The following PHF12 variants were observed in gnomAD, a reference collection of about 807,000 sequenced individuals.
PHF12 encodes PHD factor 1.
A neutral mutation model predicts 99.8 loss-of-function variants in PHF12; 6 were observed. The observed-to-expected ratio is 0.06, with a 90% CI of 0.03 to 0.12. The LOEUF is 0.12. Among genes scored for constraint, PHF12 ranks in the 10% least tolerant of loss-of-function variants. The pLI is 1.00. For synonymous variants in PHF12, 480 were observed against 514.9 expected, an observed-to-expected ratio of 0.93 and a Z score of 0.92; for missense variants, 954 against 1,300.1, an observed-to-expected ratio of 0.73 and a Z score of 4.09.
intron 9 of PHF12, 89 bp from the exon 10 acceptor site, chr17:28,911,326 G>A (rs777187711): frequency 6.5e-6 from 10 of 1,539,052 alleles, no homozygotes; most frequent in African/African-American, 2.7e-5. Flanking sequence ...TCTGGATTTC[G>A]GACCCAAGGT....
At chr17:28,927,097 C>G (rs373921461) in intron 2 of PHF12, 34 bp from the exon 3 acceptor site, 3 of 1,585,532 alleles carry the variant, frequency 1.9e-6, no homozygotes, top group Non-Finnish European at 2.6e-6. Context: ...GACTAAATAA[C>G]TAGCCCTTTG....
At position 28,912,553 on chromosome 17, in the gene PHF12, G is replaced by C. The variant is rs760165491; in HGVS notation, c.2018C>G (p.Pro673Arg). The C allele has an allele frequency of 1.6e-5, 26 of 1,613,754 alleles. No individual in the cohort carries two copies. The highest frequency in any genetic ancestry group is 6.7e-5 in the Admixed American group (4 of 60,002). ...PPNATRVLTP[P>R]QAAGDGILAT... is the part of the protein sequence containing the mutation. ...CAAGATACCATCTCCTGCTGCTTGC[G>C]GGGGAGTGAGCACCCGGGTGGCGTT... is the stretch of plus-strand genomic sequence containing the variant. The change falls in exon 9 of 15, where the codon CCG (proline) becomes CGG (arginine). Residue 673 changes from proline (P) to arginine (R), a missense_variant. By Grantham distance (103) the Pro-to-Arg change is moderately radical. Around this residue, in one of 8 missense-constraint regions of PHF12, gnomAD observed 392 missense variants for 423.1 expected, o/e 0.93. Transcript: ENST00000332830.
intron 9 of PHF12, among the ~76,000 whole-genome samples, chr17:28,911,952 G>A (rs2039968632): frequency 6.6e-6 from 1 of 152,244 alleles, no homozygotes; most frequent in Non-Finnish European, 1.5e-5. Context: ...ATCCCTGTGG[G>A]CATCCCACTC....
intron 2 of PHF12, among the ~76,000 whole-genome samples, chr17:28,930,342 C>G (rs1459523516): frequency 6.6e-6 from 1 of 152,244 alleles, no homozygotes; most frequent in Non-Finnish European, 1.5e-5. Context: ...GAATCCCCTT[C>G]TCCATGCCTC....
At chr17:28,910,609 T>C in intron 10 of PHF12, 1 of 567,696 alleles carries the variant, frequency 1.8e-6, no homozygotes, top group Non-Finnish European at 3.1e-6. Context: ...GTGGACTGAT[T>C]TTAATTAAAG....
In PHF12 at chr17:28,950,855, C is replaced by G. The variant is rs768968340; in HGVS notation, c.66+40G>C. 2 of 1,609,354 alleles carry G rather than the reference C, an allele frequency of 1.2e-6. No individual in the cohort carries two copies. The highest frequency in any genetic ancestry group is 1.7e-6 in the Non-Finnish European group (2 of 1,177,114). Reference sequence around the variant, plus strand: ...GTGGGGCGGAGGGCGGAGGTTCCCTCCCGGCGCTGGAGGAAGGAGATGAGG... The same window carrying G: ...GTGGGGCGGAGGGCGGAGGTTCCCTGCCGGCGCTGGAGGAAGGAGATGAGG... On this transcript the variant is annotated intron_variant, in intron 1 of 14. Transcript: ENST00000332830. The surrounding 1 kb of genome is among the most constrained non-coding windows in gnomAD (Gnocchi z 5.7).
Position 28,912,985 on chromosome 17 carries a change from G to A in PHF12, c.1586C>T (p.Ser529Phe), listed in dbSNP as rs771016383. 1.2e-6 allele frequency: 2 copies of A among 1,614,218 alleles called. No individual in the cohort carries two copies. Among genetic ancestry groups the A allele is most frequent in the East Asian group, 2.2e-5 (1 of 44,882 alleles). Reference sequence around the variant, plus strand: ...GGCAGTCCCACAAGGGGTTTTCTTGGATTTTTCCGCACAAGAACTGCAGCC... The same window carrying A: ...GGCAGTCCCACAAGGGGTTTTCTTGAATTTTTCCGCACAAGAACTGCAGCC... Reference protein sequence around the residue: ...DIGCSSCAEKSKKTPCGTANG... With the variant: ...DIGCSSCAEKFKKTPCGTANG... The change falls in exon 9 of 15, where the codon TCC (serine) becomes TTC (phenylalanine). Residue 529 changes from serine (S) to phenylalanine (F), a missense_variant. Around this residue, in one of 8 missense-constraint regions of PHF12, gnomAD observed 392 missense variants for 423.1 expected, o/e 0.93. Coordinates refer to ENST00000332830, the MANE Select transcript of PHF12 (RefSeq NM_001033561.2).
chr17:28,941,144 T>A (rs1036935555), intron 2 of PHF12, among the ~76,000 whole-genome samples: 4 of 150,914 alleles, frequency 2.7e-5, no homozygotes, highest in African/African-American at 9.8e-5. Context: ...AGGGCTACCA[T>A]AAACCCAAAC....
At chr17:28,942,224 G>A (rs1447711021) in intron 2 of PHF12, among the ~76,000 whole-genome samples, 2 of 152,176 alleles carry the variant, frequency 1.3e-5, no homozygotes, top group East Asian at 3.8e-4. Flanking sequence ...ATATTAAAGT[G>A]TGCTTAAATC....
intron 7 of PHF12, among the ~76,000 whole-genome samples, chr17:28,914,466 A>G (rs1161446738): frequency 6.6e-6 from 1 of 151,890 alleles, no homozygotes; most frequent in Non-Finnish European, 1.5e-5. Context: ...AGGTCAGGAG[A>G]TCGAGACCAT....
chr17:28,912,749 T>C lies in PHF12; in HGVS notation c.1822A>G (p.Thr608Ala). Residue 608 changes from threonine to alanine, a missense_variant, in exon 9 of 15, where the codon ACT (threonine) becomes GCT (alanine). This residue lies in a region of PHF12 where 392 missense variants were observed against 423.1 expected (regional missense o/e 0.93). Transcript: ENST00000332830. ...VGIIVKTENA[T>A]GPSSCPQRSL... Reference sequence around the variant, plus strand: ...CTCTGGGGGCAAGAGCTGGGGCCAGTGGCATTCTCTGTCTTCACAATGATG... The same window carrying C: ...CTCTGGGGGCAAGAGCTGGGGCCAGCGGCATTCTCTGTCTTCACAATGATG... The C allele has an allele frequency of 6.2e-7, 1 of 1,614,182 alleles. No homozygotes were observed. The highest frequency in any genetic ancestry group is 1.1e-5 in the South Asian group (1 of 91,088).
At chr17:28,942,345 C>A (rs916391821) in intron 2 of PHF12, among the ~76,000 whole-genome samples, 1 of 151,868 alleles carries the variant, frequency 6.6e-6, no homozygotes, top group South Asian at 2.1e-4. Context: ...CACAGTGAGA[C>A]CCTATCTCTA....
Position 28,946,322 on chromosome 17 carries a change from C to T in PHF12, c.248+3743G>A, listed in dbSNP as rs114895666. Reference sequence around the variant, plus strand: ...TCTTTGGTGAGGTCACGGTACTGAGCACAAGACAATTCATTCCAGAGAATC... The same window carrying T: ...TCTTTGGTGAGGTCACGGTACTGAGTACAAGACAATTCATTCCAGAGAATC... On this transcript the variant is annotated intron_variant, in intron 2 of 14. Transcript: ENST00000332830. Among the ~76,000 whole-genome samples, 804 of 152,292 alleles carry T rather than the reference C, an allele frequency of 5.3e-3. 1 individual carries two copies. Among genetic ancestry groups the T allele is most frequent in the African/African-American group, 0.018 (766 of 41,552 alleles).
In PHF12 at chr17:28,917,387, G is replaced by T; in HGVS notation, c.1032C>A (p.Thr344=). 2 of 1,614,050 alleles carry T rather than the reference G, an allele frequency of 1.2e-6. No individual in the cohort carries two copies. Among genetic ancestry groups the T allele is most frequent in the Non-Finnish European group, 1.7e-6 (2 of 1,179,972 alleles). ...CCACTTTGACGACATGCTGCGAAAC[G>T]GTGTCCTGGAAACGATCAAACACCT... ...RCQVFDRFQD[T]VSQHVVKVDF... Residue 344 remains threonine, a synonymous_variant, in exon 7 of 15, where the codon ACC becomes ACA. Coordinates refer to ENST00000332830, the MANE Select transcript of PHF12 (RefSeq NM_001033561.2).
rs376580581 is a variant in PHF12, at chr17:28,938,084, T to A, written c.249-11021A>T. Among the ~76,000 whole-genome samples, 45 of 152,186 alleles carry A rather than the reference T, an allele frequency of 3.0e-4. No homozygotes were observed. In the South Asian group the frequency reaches 8.9e-3, roughly 30 times the overall value. ...TAACAGACTATCAAGAAAAAGGAAA[T>A]AGCCAGGTGACACACTTCTTGCAGA... On this transcript the variant is annotated intron_variant, in intron 2 of 14. Transcript: ENST00000332830.
intron 3 of PHF12, chr17:28,926,359 T>A (rs1295574599): frequency 4.9e-6 from 1 of 205,524 alleles, no homozygotes; most frequent in Non-Finnish European, 1.0e-5. Flanking sequence ...ACAGACAAAT[T>A]CTAATCCATA....
intron 2 of PHF12, among the ~76,000 whole-genome samples, chr17:28,933,282 T>C (rs1056308572): frequency 6.6e-6 from 1 of 152,190 alleles, no homozygotes; most frequent in South Asian, 2.1e-4. Flanking sequence ...AGCCTAGAAA[T>C]AGCATAGTGA....
Position 28,912,545 on chromosome 17 carries a change from C to T in PHF12, c.2026G>A (p.Ala676Thr), listed in dbSNP as rs772770836. Residue 676 changes from alanine (A) to threonine (T), a missense_variant, in exon 9 of 15, where the codon GCA (alanine) becomes ACA (threonine). Ala to Thr is a moderately conservative substitution (Grantham distance 58, BLOSUM62 0). This residue lies in a region of PHF12 where 392 missense variants were observed against 423.1 expected (regional missense o/e 0.93). Transcript: ENST00000332830. ...ATRVLTPPQA[A>T]GDGILATTAN... ...GTTGTGGCCAAGATACCATCTCCTG[C>T]TGCTTGCGGGGGAGTGAGCACCCGG... 13 of 1,613,302 alleles carry T rather than the reference C, an allele frequency of 8.1e-6. No individual in the cohort carries two copies. The African/African-American group carries it at 1.7e-4, about 22-fold the overall frequency.
At chr17:28,937,745 C>T (rs1306022205) in intron 2 of PHF12, among the ~76,000 whole-genome samples, 1 of 152,186 alleles carries the variant, frequency 6.6e-6, no homozygotes, top group Non-Finnish European at 1.5e-5. Context: ...GCTAACTTTT[C>T]TACAAGCTGA....
Sources: allele counts gnomAD v4.1 joint callset (sites outside exome capture counted in the v4.1 genomes callset), GRCh38; gene constraint gnomAD v4.1.1; regional missense constraint gnomAD v4.1.1; non-coding constraint Gnocchi (gnomAD v3.1); transcripts MANE v1.5; gene names NCBI Gene and HGNC (gene_info 2026-07-23, HGNC 2026-07-21).